The following KAZN variants were observed in gnomAD, a reference collection of about 807,000 sequenced individuals.
KAZN encodes kazrin, periplakin interacting protein, also known as kazrin.
Under a neutral mutation model 87.4 loss-of-function variants are expected in KAZN, and 40 were observed. That is an observed-to-expected ratio of 0.46 (90% CI 0.36 to 0.60). The LOEUF is 0.60. Ranked by LOEUF, KAZN falls within the 20% of genes least tolerant of loss-of-function variation. The pLI is 0.00. For missense variants in KAZN, 898 were observed against 1,073.9 expected (o/e 0.84, Z 2.29); for synonymous variants, 466 against 458.3 (o/e 1.02, Z -0.22).
chr1:14,178,448 CCATT>C (rs1228403151), intron 1 of KAZN, among the ~76,000 whole-genome samples: 1 of 152,186 alleles, frequency 6.6e-6, no homozygotes, highest in African/African-American at 2.4e-5. Flanking sequence ...CTTTTCTTCT[CCATT>C]GTCTAATCTG....
intron 2 of KAZN, among the ~76,000 whole-genome samples, chr1:15,034,274 G>A (rs1049620839): frequency 1.3e-5 from 2 of 152,192 alleles, no homozygotes; most frequent in African/African-American, 4.8e-5. Context: ...ATGTCTTAGT[G>A]CATGTTTTTA....
chr1:15,068,157 A>C, intron 8 of KAZN: 1 of 860,652 alleles, frequency 1.2e-6, no homozygotes, highest in Non-Finnish European at 1.4e-6. Context: ...ATATGATCGA[A>C]TTCTATGTTA....
chr1:15,024,694 G>C (rs750218209), intron 2 of KAZN, among the ~76,000 whole-genome samples: 4 of 152,212 alleles, frequency 2.6e-5, no homozygotes, highest in Non-Finnish European at 5.9e-5. Flanking sequence ...CCTGGACCTG[G>C]GGTCTCACCT....
rs543704761 is a variant in KAZN, at chr1:14,672,343, G to A, written c.226+73120G>A. Among the ~76,000 whole-genome samples the A allele has an allele frequency of 4.6e-5, 7 of 152,290 alleles. No homozygotes were observed. The South Asian group carries it at 6.2e-4, about 14-fold the overall frequency. ...GTCTTTTCTGCAGTGTCCTCTGCCCGGCATTCACAGCTGGGTTTTAATGTG... is the reference window on the plus strand; with the variant it reads ...GTCTTTTCTGCAGTGTCCTCTGCCCAGCATTCACAGCTGGGTTTTAATGTG... On this transcript the variant is annotated intron_variant, in intron 1 of 14. Coordinates refer to ENST00000376030, the MANE Select transcript of KAZN (RefSeq NM_201628.3).
At chr1:13,985,897 G>C (rs894496228) in intron 1 of KAZN, among the ~76,000 whole-genome samples, 1 of 152,106 alleles carries the variant, frequency 6.6e-6, no homozygotes, top group African/African-American at 2.4e-5. Context: ...CCATTATACA[G>C]TATACCATAT....
At chr1:14,614,095 A>G (rs1678028068) in intron 1 of KAZN, among the ~76,000 whole-genome samples, 1 of 152,178 alleles carries the variant, frequency 6.6e-6, no homozygotes, top group South Asian at 2.1e-4. Context: ...GCCAACTGCC[A>G]TCACTAACTA....
chr1:15,044,764 T>G (rs1673308278), intron 4 of KAZN, among the ~76,000 whole-genome samples: 1 of 152,104 alleles, frequency 6.6e-6, no homozygotes, highest in African/African-American at 2.4e-5. Context: ...AAAAATTTTT[T>G]TTGTTTAAAA....
intron 2 of KAZN, among the ~76,000 whole-genome samples, chr1:14,993,611 C>T (rs1156637936): frequency 6.6e-6 from 1 of 152,324 alleles, no homozygotes; most frequent in East Asian, 1.9e-4. Context: ...CACTCCCCGC[C>T]GCCACCCCCC....
At chr1:14,530,744 A>G (rs975429700) in intron 2 of KAZN, among the ~76,000 whole-genome samples, 1 of 152,102 alleles carries the variant, frequency 6.6e-6, no homozygotes, top group African/African-American at 2.4e-5. Flanking sequence ...TGCTTCCTGT[A>G]CAGTCTGCAG....
At chr1:14,903,365 T>C (rs1418640634) in intron 1 of KAZN, among the ~76,000 whole-genome samples, 1 of 152,206 alleles carries the variant, frequency 6.6e-6, no homozygotes, top group Non-Finnish European at 1.5e-5. Flanking sequence ...CAGCCACAAG[T>C]GCCAATTTCA....
intron 2 of KAZN, among the ~76,000 whole-genome samples, chr1:14,232,518 G>A (rs946320034): frequency 4.6e-5 from 7 of 152,062 alleles, no homozygotes; most frequent in East Asian, 1.9e-4. Context: ...CCTAGGGGCC[G>A]ACAAGGTCCC....
intron 1 of KAZN, among the ~76,000 whole-genome samples, chr1:14,798,740 C>CT (rs1233178359): frequency 6.7e-6 from 1 of 150,024 alleles, no homozygotes. Flanking sequence ...GGCCCACTTT[C>CT]TTTTTTCTTT....
chr1:15,103,819 G>A (rs1481538790), intron 12 of KAZN, among the ~76,000 whole-genome samples: 1 of 152,144 alleles, frequency 6.6e-6, no homozygotes, highest in Non-Finnish European at 1.5e-5. Context: ...TCCTGCTAGG[G>A]TCAGGGACCA....
At chr1:14,324,465 C>G (rs1172236886) in intron 2 of KAZN, among the ~76,000 whole-genome samples, 1 of 152,174 alleles carries the variant, frequency 6.6e-6, no homozygotes, top group African/African-American at 2.4e-5. Context: ...GCTCATGAAG[C>G]CTCCATCATC....
intron 2 of KAZN, among the ~76,000 whole-genome samples, chr1:14,961,651 T>A (rs1381200877): frequency 6.6e-6 from 1 of 152,188 alleles, no homozygotes; most frequent in Admixed American, 6.5e-5. Context: ...ACACAGCCTT[T>A]GGGGTCTGCA....
intron 1 of KAZN, among the ~76,000 whole-genome samples, chr1:14,660,890 C>T (rs1208697346): frequency 1.3e-5 from 2 of 152,050 alleles, no homozygotes; most frequent in Non-Finnish European, 2.9e-5. Context: ...AAAGCAATGC[C>T]CACTCTGCAC....
chr1:15,088,742 C>T (rs1170521488), intron 8 of KAZN, among the ~76,000 whole-genome samples: 2 of 152,056 alleles, frequency 1.3e-5, no homozygotes, highest in Non-Finnish European at 2.9e-5. Flanking sequence ...CCTTCTGTCA[C>T]GTCGTCTCGT....
Position 14,846,199 on chromosome 1 carries a change from G to A in KAZN, c.227-114485G>A, listed in dbSNP as rs78887741. Among the ~76,000 whole-genome samples, 153 of 152,324 alleles carry A rather than the reference G, an allele frequency of 1.0e-3. 4 individuals are homozygous for A. Among genetic ancestry groups the A allele is most frequent in the African/African-American group, 3.6e-3 (148 of 41,560 alleles). Reference sequence around the variant, plus strand: ...GAGCTGCTGCATTCTACAGTTTTTGGAGACTCAAGATGCAAGTTGGCTTAG... The same window carrying A: ...GAGCTGCTGCATTCTACAGTTTTTGAAGACTCAAGATGCAAGTTGGCTTAG... On this transcript the variant is annotated intron_variant, in intron 1 of 14. Coordinates refer to ENST00000376030, the MANE Select transcript of KAZN (RefSeq NM_201628.3).
chr1:15,095,127 C>T (rs1031530666), intron 10 of KAZN, among the ~76,000 whole-genome samples, 194 bp downstream of exon 10: 1 of 152,088 alleles, frequency 6.6e-6, no homozygotes, highest in African/African-American at 2.4e-5. Context: ...GGGCCAGCCC[C>T]CTCCGTAGAA....
Sources: allele counts gnomAD v4.1 joint callset (sites outside exome capture counted in the v4.1 genomes callset), GRCh38; gene constraint gnomAD v4.1.1; transcripts MANE v1.5; gene names NCBI Gene and HGNC (gene_info 2026-07-23, HGNC 2026-07-21).